DBR1: variants seen among roughly 807,000 people sequenced by gnomAD.
DBR1 encodes the protein debranching RNA lariats 1, also known as lariat debranching enzyme.
Under a neutral mutation model 45.9 loss-of-function variants are expected in DBR1, and 33 were observed. The observed-to-expected ratio is 0.72, with a 90% CI of 0.55 to 0.96. DBR1 has a LOEUF of 0.96. Ranked by LOEUF, DBR1 falls within the 40% of genes least tolerant of loss-of-function variation. The pLI, the probability that DBR1 is intolerant of heterozygous loss-of-function variation, is 0.00. For missense variants in DBR1, 619 were observed against 667.4 expected, an observed-to-expected ratio of 0.93 and a Z score of 0.80; for synonymous variants, 235 against 235.9, an observed-to-expected ratio of 1.00 and a Z score of 0.04.
At chr3:138,164,870 C>CA in intron 5 of DBR1, among the ~76,000 whole-genome samples, 1 of 152,344 alleles carries the variant, frequency 6.6e-6, no homozygotes, top group South Asian at 2.1e-4. Flanking sequence ...TGGCCTCGAA[C>CA]TCCTGGCCTC....
intron 1 of DBR1, 33 bp downstream of exon 1, chr3:138,174,566 C>CA: frequency 1.3e-6 from 2 of 1,539,490 alleles, no homozygotes; most frequent in Non-Finnish European, 8.9e-7. Flanking sequence ...CCCACCCCCC[C>CA]ACCGCCAAGT....
At chr3:138,169,040 A>G (rs1011911591) in intron 4 of DBR1, among the ~76,000 whole-genome samples, 17 of 152,188 alleles carry the variant, frequency 1.1e-4, no homozygotes, top group African/African-American at 3.9e-4. Flanking sequence ...GGATTTAGAT[A>G]GGTGAAAGAG....
chr3:138,163,719 A>AT, intron 6 of DBR1, 59 bp downstream of exon 6: 1 of 1,261,036 alleles, frequency 7.9e-7, no homozygotes, highest in Non-Finnish European at 1.1e-6. Context: ...GGAAAATTAT[A>AT]TTTTTTTAAG....
At chr3:138,171,891 A>G (rs574158924) in intron 2 of DBR1, among the ~76,000 whole-genome samples, 178 bp from the exon 3 acceptor site, 29 of 152,332 alleles carry the variant, frequency 1.9e-4, no homozygotes, top group African/African-American at 7.0e-4. Flanking sequence ...GGGATATATT[A>G]TAACAGTATA....
chr3:138,163,910 A>G lies in DBR1; in HGVS notation c.715-52T>C, dbSNP rs2622733. 0.67 allele frequency: 863,897 copies of G among 1,286,976 alleles called. 292,348 individuals carry two copies. The highest frequency in any genetic ancestry group is 0.7 in the Non-Finnish European group (619,084 of 886,902). 79.7% of individuals were successfully genotyped at this position (1,286,976 alleles called of 1,614,324 possible). ...AAAGAATGTTAAAACAACCACAGGTAATTCTTCATACACGGAATAGGATGA... is the reference window on the plus strand; with the variant it reads ...AAAGAATGTTAAAACAACCACAGGTGATTCTTCATACACGGAATAGGATGA... On this transcript the variant is annotated intron_variant, in intron 5 of 7. Coordinates refer to ENST00000260803, the MANE Select transcript of DBR1 (RefSeq NM_016216.4).
At position 138,163,817 on chromosome 3, in the gene DBR1, TA is replaced by T; in HGVS notation, c.755del (p.Leu252Ter). 7.4e-6 allele frequency: 12 copies of T among 1,613,352 alleles called. No homozygotes were observed. The highest frequency in any genetic ancestry group is 1.0e-5 in the Non-Finnish European group (12 of 1,179,540). ...TATGTGGTAAGCATTTGTCCAAGGC[TA>T]AAAATTTGGTTGCTCTGGCTGTCTG... ...KGQTARATKF[L>X]ALDKCLPHRD... On this transcript the variant is annotated frameshift_variant, in exon 6 of 8. Transcript: ENST00000260803. LOFTEE classifies it high-confidence loss of function.
rs2042916833 is a variant in DBR1 at position 138,163,427 on chromosome 3, A to T, written c.863T>A (p.Ile288Asn). The T allele has an allele frequency of 6.2e-7, 1 of 1,613,352 alleles. No homozygotes were observed. The highest frequency in any genetic ancestry group is 1.3e-5 in the African/African-American group (1 of 74,914). The change falls in exon 7 of 8, where the codon ATT becomes AAT. Residue 288 changes from isoleucine (I) to asparagine (N), a missense_variant. Transcript: ENST00000260803. ...AATAAGATCATCCGTAGCCCTGAGAATAGTGAGCCATTCAATATCATATTC... is the reference window on the plus strand; with the variant it reads ...AATAAGATCATCCGTAGCCCTGAGATTAGTGAGCCATTCAATATCATATTC... Reference protein sequence around the residue: ...YLEYDIEWLTILRATDDLINV... With the variant: ...YLEYDIEWLTNLRATDDLINV...
At chr3:138,171,460 A>C in intron 3 of DBR1, 173 bp downstream of exon 3, 1 of 507,372 alleles carries the variant, frequency 2.0e-6, no homozygotes, top group South Asian at 2.4e-5. Flanking sequence ...GGACACCAAG[A>C]ACGAAACTCT....
intron 4 of DBR1, among the ~76,000 whole-genome samples, chr3:138,169,014 T>C (rs541933809): frequency 1.3e-5 from 2 of 151,256 alleles, no homozygotes; most frequent in South Asian, 4.2e-4. Flanking sequence ...CTAAGTTGGG[T>C]CTTAAAGGAC....
In DBR1 at chr3:138,163,383, A is replaced by T; in HGVS notation, c.907T>A (p.Trp303Arg). The change falls in exon 7 of 8, where the codon TGG becomes AGG. Residue 303 changes from tryptophan to arginine, a missense_variant. By Grantham distance (101) the Trp-to-Arg change is moderately radical (BLOSUM62 -3). Around this residue, in one of 3 missense-constraint regions of DBR1, gnomAD observed 430 missense variants for 447.7 expected, o/e 0.96. Transcript: ENST00000260803. ...DDLINVTGRL[W>R]NMPENNGLHA... ...AGGCCATTATTTTCTGGCATATTCC[A>T]CAGGCGCCCAGTCACATTAATAAGA... 1.2e-6 allele frequency: 2 copies of T among 1,613,916 alleles called. No individual in the cohort carries two copies. The highest frequency in any genetic ancestry group is 1.7e-6 in the Non-Finnish European group (2 of 1,179,860).
chr3:138,167,036 T>C, intron 5 of DBR1, 45 bp downstream of exon 5: 1 of 1,545,204 alleles, frequency 6.5e-7, no homozygotes, highest in Middle Eastern at 1.7e-4. Context: ...CCATAGATGT[T>C]CAATAGTGTG....
chr3:138,163,331 A>C lies in DBR1; in HGVS notation c.941+18T>G, dbSNP rs762155477. ...GCATGCAATGGAAAAAGCAGGTCCT[A>C]AATAAAGTCTGACTTACCTTGCATG... On this transcript the variant is annotated intron_variant, in intron 7 of 7. Coordinates refer to ENST00000260803, the MANE Select transcript of DBR1 (RefSeq NM_016216.4). The C allele has an allele frequency of 5.6e-6, 9 of 1,607,324 alleles. No individual in the cohort carries two copies. Among genetic ancestry groups the C allele is most frequent in the Non-Finnish European group, 7.6e-6 (9 of 1,177,198 alleles).
In DBR1 at chr3:138,161,921, C is replaced by T. The variant is rs2042909209; in HGVS notation, c.1603G>A (p.Ala535Thr). 2 of 1,613,732 alleles carry T rather than the reference C, an allele frequency of 1.2e-6. No individual in the cohort carries two copies. Among genetic ancestry groups the T allele is most frequent in the African/African-American group, 1.3e-5 (1 of 75,040 alleles). Reference sequence around the variant, plus strand: ...GCATCGTCATCATCATCATCCACTGCAGCGTAAATGGCTTGATTCCTCCTC... The same window carrying T: ...GCATCGTCATCATCATCATCCACTGTAGCGTAAATGGCTTGATTCCTCCTC... ...IKRRNQAIYA[A>T]VDDDDDDAA Residue 535 changes from alanine to threonine, a missense_variant, in exon 8 of 8, where the codon GCA becomes ACA. Physicochemically the swap from Ala to Thr is moderately conservative, Grantham distance 58. Transcript: ENST00000260803.
chr3:138,174,785 G>C lies in DBR1; in HGVS notation c.11C>G (p.Ala4Gly). The change falls in exon 1 of 8, where the codon GCT (alanine) becomes GGT (glycine). Residue 4 changes from alanine (A) to glycine (G), a missense_variant. This residue lies in a region of DBR1 where 430 missense variants were observed against 447.7 expected (regional missense o/e 0.96). Transcript: ENST00000260803. Reference sequence around the variant, plus strand: ...CTCGCCGTGGCAGCAGCCAGCCACAGCCACCCGCATTCTGCCGGCCTGAGG... The same window carrying C: ...CTCGCCGTGGCAGCAGCCAGCCACACCCACCCGCATTCTGCCGGCCTGAGG... The part of the protein sequence containing the change: MRV[A>G]VAGCCHGELD... 6.2e-7 allele frequency: 1 copy of C among 1,611,428 alleles called. No homozygotes were observed. Among genetic ancestry groups the C allele is most frequent in the Non-Finnish European group, 8.5e-7 (1 of 1,179,510 alleles).
chr3:138,172,249 G>A (rs1317650411), intron 2 of DBR1, among the ~76,000 whole-genome samples: 1 of 152,124 alleles, frequency 6.6e-6, no homozygotes, highest in Non-Finnish European at 1.5e-5. Context: ...TCTCATCATT[G>A]GTAAAATCTA....
At chr3:138,174,312 C>T (rs1038035501) in intron 1 of DBR1, among the ~76,000 whole-genome samples, 1 of 152,088 alleles carries the variant, frequency 6.6e-6, no homozygotes, top group African/African-American at 2.4e-5. Context: ...GGCTTCGACA[C>T]CCTTTGAAAT....
In DBR1 at chr3:138,165,853, T is replaced by C. The variant is rs114480269; in HGVS notation, c.714+1228A>G. ...AATAGAAAGTGGCAGTCAGAGGAAG[T>C]TGAGGAGACAATTACAAAGAGGTCA... On this transcript the variant is annotated intron_variant, in intron 5 of 7. Transcript: ENST00000260803. Among the ~76,000 whole-genome samples the C allele has an allele frequency of 3.2e-3, 481 of 152,244 alleles. 2 individuals carry two copies. The highest frequency in any genetic ancestry group is 0.011 in the African/African-American group (457 of 41,550).
At chr3:138,172,430 C>A (rs1576535251) in intron 2 of DBR1, among the ~76,000 whole-genome samples, 2 of 151,912 alleles carry the variant, frequency 1.3e-5, no homozygotes, top group Admixed American at 1.3e-4. Flanking sequence ...CAAAAAAATA[C>A]AAAAAAACAA....
Position 138,162,288 on chromosome 3 carries a change from A to T in DBR1, c.1236T>A (p.Ser412Arg). ...GAGCAGATGTGTCTGTATTATATTC[A>T]CTCTGGTCTTCTCCAGAGTCATTAC... Reference protein sequence around the residue: ...VESNDSGEDQSEYNTDTSALS... With the variant: ...VESNDSGEDQREYNTDTSALS... The change falls in exon 8 of 8, where the codon AGT becomes AGA. Residue 412 changes from serine (S) to arginine (R), a missense_variant. Around this residue, in one of 3 missense-constraint regions of DBR1, gnomAD observed 182 missense variants for 196.1 expected, o/e 0.93. Transcript: ENST00000260803. 1 of 1,614,060 alleles carries T rather than the reference A, an allele frequency of 6.2e-7. No individual in the cohort carries two copies. The highest frequency in any genetic ancestry group is 8.5e-7 in the Non-Finnish European group (1 of 1,180,004).
Sources: gnomAD v4.1 joint callset for allele counts (sites outside exome capture counted in the v4.1 genomes callset) on GRCh38, gnomAD v4.1.1 for gene constraint, gnomAD v4.1.1 regional missense constraint, MANE v1.5 for transcripts, NCBI Gene and HGNC (gene_info 2026-07-23, HGNC 2026-07-21) for gene names.